USP6: variants seen among roughly 807,000 people sequenced by gnomAD.
USP6 encodes ubiquitin carboxyl-terminal hydrolase 6.
Under a neutral mutation model 175.7 loss-of-function variants are expected in USP6, and 128 were observed. The ratio of observed to expected loss-of-function variants is 0.73; its 90% CI spans 0.63 to 0.84. The LOEUF (loss-of-function observed/expected upper bound fraction) is 0.84, where lower values mean the gene tolerates loss of function less well. Among genes scored for constraint, USP6 ranks in the 40% least tolerant of loss-of-function variants. USP6 has a pLI of 0.00. For missense variants in USP6, 1,498 were observed against 1,760.3 expected (o/e 0.85, Z 2.67); for synonymous variants, 562 against 630.6 (o/e 0.89, Z 1.63).
Position 5,142,436 on chromosome 17 carries a change from C to G in USP6, c.1752C>G (p.Cys584Trp). Reference protein sequence around the residue: ...PIGMKGHMAKCYGDLVQELWS... With the variant: ...PIGMKGHMAKWYGDLVQELWS... ...GTATGAAGGGGCATATGGCTAAATG[C>G]TATGGTGATTTAGTGCAGGAACTCT... Residue 584 changes from cysteine (C) to tryptophan (W), a missense_variant, in exon 25 of 38, where the codon TGC becomes TGG. Cys to Trp is a radical substitution (Grantham distance 215). This residue lies in a region of USP6 where 1,217 missense variants were observed against 1,500.8 expected (regional missense o/e 0.81). Coordinates refer to ENST00000574788, the MANE Select transcript of USP6 (RefSeq NM_001304284.2). 1 of 1,613,898 alleles carries G rather than the reference C, an allele frequency of 6.2e-7. No individual in the cohort carries two copies. The highest frequency in any genetic ancestry group is 8.5e-7 in the Non-Finnish European group (1 of 1,179,832).
intron 13 of USP6, 138 bp from the exon 14 acceptor site, chr17:5,133,305 G>A (rs375101381): frequency 6.0e-6 from 6 of 1,005,014 alleles, no homozygotes; most frequent in Non-Finnish European, 9.1e-6. Context: ...TCCTGGGAAG[G>A]GAGACCCTGT....
chr17:5,144,897 A>G, intron 26 of USP6, 34 bp downstream of exon 26: 1 of 1,562,970 alleles, frequency 6.4e-7, no homozygotes. Flanking sequence ...TGTAAGCAAT[A>G]GACAAAATGT....
intron 33 of USP6, among the ~76,000 whole-genome samples, chr17:5,165,233 T>G (rs1024393642): frequency 4.6e-5 from 7 of 152,234 alleles, no homozygotes; most frequent in African/African-American, 1.7e-4. Context: ...CAGGATTCCC[T>G]GCCTTTTTAC....
Position 5,145,572 on chromosome 17 carries a change from A to C in USP6, c.2160A>C (p.Glu720Asp). 1.3e-6 allele frequency: 2 copies of C among 1,587,364 alleles called. No homozygotes were observed. Among genetic ancestry groups the C allele is most frequent in the Non-Finnish European group, 1.7e-6 (2 of 1,168,528 alleles). Residue 720 changes from glutamate (E) to aspartate (D), a missense_variant, in exon 27 of 38, where the codon GAA becomes GAC. Around this residue, in one of 2 missense-constraint regions of USP6, gnomAD observed 1,217 missense variants for 1,500.8 expected, o/e 0.81. Transcript: ENST00000574788. ...PLPMDSYMDL[E>D]ITVIKLDGTT... ...CAATGGACAGTTACATGGACTTAGAAATAACAGGTAGGTCACAAAGTTCTG... is the reference window on the plus strand; with the variant it reads ...CAATGGACAGTTACATGGACTTAGACATAACAGGTAGGTCACAAAGTTCTG...
intron 21 of USP6, among the ~76,000 whole-genome samples, chr17:5,138,669 C>T (rs1262916499): frequency 2.0e-5 from 3 of 152,184 alleles, no homozygotes; most frequent in African/African-American, 7.2e-5. Flanking sequence ...CACGCTCCTC[C>T]AAGGTTGCCA....
At chr17:5,154,344 T>G (rs2073836134) in intron 30 of USP6, among the ~76,000 whole-genome samples, 1 of 152,164 alleles carries the variant, frequency 6.6e-6, no homozygotes, top group Admixed American at 6.5e-5. Context: ...CTTAGAGAAT[T>G]AAATATTCAA....
rs777937749 is a variant in USP6 at position 5,132,559 on chromosome 17, G to C, written c.195+124G>C. On this transcript the variant is annotated intron_variant, in intron 12 of 37. Transcript: ENST00000574788. The surrounding 1 kb of genome is among the most constrained non-coding windows in gnomAD (Gnocchi z 4.7). ...GAGGGCAACACGCTGTCACTGGGAG[G>C]GGCAGCAGAGACCTGACCCCAAGTT... The C allele has an allele frequency of 6.5e-6, 10 of 1,540,060 alleles. No individual in the cohort carries two copies. The highest frequency in any genetic ancestry group is 7.2e-6 in the Non-Finnish European group (8 of 1,114,848).
At chr17:5,136,216 C>T (rs549217081) in intron 17 of USP6, among the ~76,000 whole-genome samples, 10 of 152,360 alleles carry the variant, frequency 6.6e-5, no homozygotes, top group African/African-American at 2.2e-4. Flanking sequence ...TGACTCTCCC[C>T]TCCCTGAGGG....
Position 5,130,397 on chromosome 17 carries a change from G to A in USP6, c.30G>A (p.Leu10=). The A allele has an allele frequency of 1.9e-6, 3 of 1,614,170 alleles. No homozygotes were observed. Among genetic ancestry groups the A allele is most frequent in the Non-Finnish European group, 2.5e-6 (3 of 1,180,018 alleles). ...ACATGGTAGAGAATGCAGATAGTTT[G>A]CAGGCACAGGAGCGGAAGGACATAC... is the stretch of plus-strand genomic sequence containing the variant. The part of the protein sequence containing the change: MDMVENADS[L]QAQERKDILM... The change falls in exon 10 of 38, where the codon TTG becomes TTA. Residue 10 remains leucine (L), a synonymous_variant. Transcript: ENST00000574788.
intron 31 of USP6, among the ~76,000 whole-genome samples, chr17:5,158,546 G>T (rs995567564): frequency 6.7e-6 from 1 of 149,066 alleles, no homozygotes; most frequent in Non-Finnish European, 1.5e-5. Context: ...CAGCCTGGGT[G>T]ACAGAGCAAG....
intron 32 of USP6, 140 bp from the exon 33 acceptor site, chr17:5,162,744 G>C (rs778438648): frequency 2.8e-5 from 34 of 1,206,122 alleles, no homozygotes; most frequent in Non-Finnish European, 3.7e-5. Flanking sequence ...ATTTATCAGA[G>C]TCTGAAGTTA....
chr17:5,117,372 C>T (rs554725201), intron 1 of USP6, among the ~76,000 whole-genome samples: 112 of 152,114 alleles, frequency 7.4e-4, no homozygotes, highest in Non-Finnish European at 1.3e-3. Flanking sequence ...AAAAATTAGC[C>T]GGGTGTGGAG....
At position 5,116,162 on chromosome 17, in the gene USP6, A is replaced by G. The variant is rs1314891867; in HGVS notation, c.-2506A>G. On this transcript the variant is annotated 5_prime_UTR_variant, in exon 1 of 38. An upstream start codon of the reference 5' UTR is lost. Coordinates refer to ENST00000574788, the MANE Select transcript of USP6 (RefSeq NM_001304284.2). ...CGACGCTACCTTGGCGGCCGCGCCC[A>G]TGCTGTCCCCGCTCCAACTAGCAGT... Among the ~76,000 whole-genome samples, 1 of 152,138 alleles carries G rather than the reference A, an allele frequency of 6.6e-6. No homozygotes were observed. The highest frequency in any genetic ancestry group is 2.4e-5 in the African/African-American group (1 of 41,444).
At chr17:5,153,875 C>T (rs1423320615) in intron 30 of USP6, among the ~76,000 whole-genome samples, 1 of 152,018 alleles carries the variant, frequency 6.6e-6, no homozygotes, top group African/African-American at 2.4e-5. Flanking sequence ...AGGCTGGTCT[C>T]GCACTCCTGA....
rs71151842 is a variant in USP6, at chr17:5,125,678, G to GCACACACACACACACA, written c.-591-113_-591-98dup. The GCACACACACACACACA allele has an allele frequency of 2.5e-3, 340 of 137,656 alleles. 3 individuals carry two copies. The highest frequency in any genetic ancestry group is 9.0e-3 in the African/African-American group (316 of 35,294). The allele number at this position is 137,656 out of a possible 1,614,324, so 8.5% of individuals were successfully genotyped here. A position where few individuals can be genotyped will look rare whatever the true frequency, so the allele number is the denominator to read the frequency against. On this transcript the variant is annotated intron_variant, in intron 5 of 37. Transcript: ENST00000574788. ...CACAAACACGCACACACACGCACATGCACACACACACACACACACACACAC... is the reference window on the plus strand; with the variant it reads ...CACAAACACGCACACACACGCACATGCACACACACACACACACACACACACACACACACACACACAC...
chr17:5,152,071 G>A (rs180836034), intron 30 of USP6, among the ~76,000 whole-genome samples: 10 of 152,070 alleles, frequency 6.6e-5, no homozygotes, highest in African/African-American at 2.4e-4. Flanking sequence ...GTGAAACTCC[G>A]TCTCTACTAA....
At chr17:5,138,336 G>T in intron 21 of USP6, 63 bp downstream of exon 21, 2 of 1,606,512 alleles carry the variant, frequency 1.2e-6, no homozygotes, top group Non-Finnish European at 1.7e-6. Context: ...GTGGGCGGGT[G>T]CCCCGGACCA....
chr17:5,150,723 G>C (rs1453833573), intron 30 of USP6, among the ~76,000 whole-genome samples: 1 of 152,056 alleles, frequency 6.6e-6, no homozygotes, highest in Non-Finnish European at 1.5e-5. Context: ...TTGATCTCCT[G>C]ACCTCGTGAT....
rs375831983 is a variant in USP6 at position 5,168,981 on chromosome 17, C to T, written c.3443C>T (p.Ser1148Leu). The T allele has an allele frequency of 2.4e-5, 39 of 1,613,840 alleles. No individual in the cohort carries two copies. Among genetic ancestry groups the T allele is most frequent in the South Asian group, 1.3e-4 (12 of 91,084 alleles). ...REVKKVDAQS[S>L]AGKEDMLLSK... ...GTGAAGAAAGTGGATGCGCAGAGTT[C>T]GGCTGGAAAAGAGGACATGCTCCTA... The change falls in exon 35 of 38, where the codon TCG (serine) becomes TTG (leucine). Residue 1148 changes from serine to leucine, a missense_variant. Ser to Leu is a moderately radical substitution (Grantham distance 145, BLOSUM62 -2). Around this residue, in one of 2 missense-constraint regions of USP6, gnomAD observed 1,217 missense variants for 1,500.8 expected, o/e 0.81. Coordinates refer to ENST00000574788, the MANE Select transcript of USP6 (RefSeq NM_001304284.2).
Sources: allele counts gnomAD v4.1 joint callset (sites outside exome capture counted in the v4.1 genomes callset), GRCh38; gene constraint gnomAD v4.1.1; regional missense constraint gnomAD v4.1.1; non-coding constraint Gnocchi (gnomAD v3.1); transcripts MANE v1.5; gene names NCBI Gene and HGNC (gene_info 2026-07-23, HGNC 2026-07-21).